The following SLC44A5 variants were observed in gnomAD, a reference collection of about 807,000 sequenced individuals.
The protein encoded by SLC44A5 is choline transporter-like protein 5.
A neutral mutation model predicts 101.8 loss-of-function variants in SLC44A5; 57 were observed. That is an observed-to-expected ratio of 0.56 (90% CI 0.45 to 0.70). SLC44A5 has a LOEUF of 0.70. SLC44A5 is among the 30% of genes least tolerant of loss of function. The pLI, the probability that SLC44A5 is intolerant of heterozygous loss-of-function variation, is 0.00. For missense variants in SLC44A5, 737 were observed against 853.1 expected (o/e 0.86, Z 1.70); for synonymous variants, 281 against 290.9 (o/e 0.97, Z 0.35).
chr1:75,324,715 A>G (rs1656439668), intron 4 of SLC44A5, among the ~76,000 whole-genome samples: 1 of 152,152 alleles, frequency 6.6e-6, no homozygotes, highest in Admixed American at 6.6e-5. Flanking sequence ...TAAAATGAAG[A>G]GGATCATCTA....
the SLC44A5 span, among the ~76,000 whole-genome samples, chr1:75,678,890 G>C: frequency 6.6e-6 from 1 of 152,128 alleles, no homozygotes; most frequent in Non-Finnish European, 1.5e-5. Context: ...TGTATAACTA[G>C]AATAATCAAT....
intron 2 of SLC44A5, among the ~76,000 whole-genome samples, chr1:75,464,978 T>A (rs1666735045): frequency 6.6e-6 from 1 of 152,168 alleles, no homozygotes; most frequent in South Asian, 2.1e-4. Context: ...TGGACAGATA[T>A]TCTAGACAGA....
chr1:75,427,550 A>G (rs976953925), intron 2 of SLC44A5, among the ~76,000 whole-genome samples: 10 of 152,226 alleles, frequency 6.6e-5, no homozygotes, highest in Admixed American at 5.2e-4. Flanking sequence ...GCCATTAATT[A>G]ATCATGTCTC....
chr1:75,445,640 A>G (rs557895879), intron 2 of SLC44A5, among the ~76,000 whole-genome samples: 48 of 126,320 alleles, frequency 3.8e-4, no homozygotes, highest in African/African-American at 1.1e-3. Context: ...GTCCTCAGAT[A>G]TCTTCTTTTC....
the SLC44A5 span, among the ~76,000 whole-genome samples, chr1:75,647,757 T>G: frequency 2.6e-5 from 4 of 152,320 alleles, no homozygotes; most frequent in South Asian, 8.3e-4. Context: ...ATAGCCCCTT[T>G]GCTTTGGCCA....
chr1:75,661,344 A>C, the SLC44A5 span, among the ~76,000 whole-genome samples: 1 of 148,586 alleles, frequency 6.7e-6, no homozygotes, highest in East Asian at 2.0e-4. Flanking sequence ...AAAATGGATT[A>C]AAGACTGAAA....
intron 1 of SLC44A5, among the ~76,000 whole-genome samples, chr1:75,544,197 C>T (rs893939894): frequency 3.3e-5 from 5 of 152,072 alleles, no homozygotes; most frequent in Admixed American, 6.6e-5. Flanking sequence ...ATGAGTTTGG[C>T]CCGATTTGTT....
At chr1:75,416,053 CA>C (rs1393736046) in intron 2 of SLC44A5, among the ~76,000 whole-genome samples, 13 of 152,290 alleles carry the variant, frequency 8.5e-5, no homozygotes, top group Admixed American at 5.2e-4. Context: ...CAGAAATTAG[CA>C]TAAGTAATGA....
chr1:75,556,686 T>C (rs1006881557), intron 1 of SLC44A5, among the ~76,000 whole-genome samples: 2 of 152,174 alleles, frequency 1.3e-5, no homozygotes, highest in African/African-American at 4.8e-5. Context: ...ATGGCTGTTA[T>C]TCTTCAAAAA....
At chr1:75,314,370 C>G (rs1655537085) in intron 4 of SLC44A5, among the ~76,000 whole-genome samples, 1 of 152,168 alleles carries the variant, frequency 6.6e-6, no homozygotes, top group African/African-American at 2.4e-5. Flanking sequence ...ACGCCAGCAT[C>G]ATCTTTCATA....
At chr1:75,512,678 A>G (rs901063261) in intron 2 of SLC44A5, among the ~76,000 whole-genome samples, 28 of 152,228 alleles carry the variant, frequency 1.8e-4, no homozygotes, top group Admixed American at 1.5e-3. Flanking sequence ...CGTAGTGATC[A>G]TAAGAGTATA....
chr1:75,635,087 T>A, the SLC44A5 span, among the ~76,000 whole-genome samples: 1 of 150,960 alleles, frequency 6.6e-6, no homozygotes, highest in Non-Finnish European at 1.5e-5. Flanking sequence ...ATCAGAGAAA[T>A]GCAAATCAAA....
rs952840753 is a variant in SLC44A5 at position 75,276,146 on chromosome 1, C to T, written c.176-1104G>A. On this transcript the variant is annotated intron_variant, in intron 5 of 23. Coordinates refer to ENST00000370859, the MANE Select transcript of SLC44A5 (RefSeq NM_001130058.2). ...TCACAAAAGTCCCCTTTGTCTAATT[C>T]TTTCTCCAATGTCATAGAGGCCAAA... 4.5e-4 allele frequency among the ~76,000 whole-genome samples: 69 copies of T among 152,270 alleles called. 1 individual carries two copies. Among genetic ancestry groups the T allele is most frequent in the African/African-American group, 1.6e-3 (67 of 41,562 alleles).
intron 2 of SLC44A5, among the ~76,000 whole-genome samples, chr1:75,523,215 G>T (rs1380354675): frequency 2.0e-5 from 3 of 152,158 alleles, no homozygotes; most frequent in African/African-American, 7.2e-5. Flanking sequence ...CATGAGAGTA[G>T]TACTTACCTG....
At chr1:75,677,715 G>A in the SLC44A5 span, 1 of 436,018 alleles carries the variant, frequency 2.3e-6, no homozygotes, top group Admixed American at 2.6e-5. Context: ...AAGACCCAGT[G>A]CAATCATCTG....
At chr1:75,400,221 C>A (rs1389945606) in intron 2 of SLC44A5, among the ~76,000 whole-genome samples, 1 of 152,126 alleles carries the variant, frequency 6.6e-6, no homozygotes, top group East Asian at 1.9e-4. Context: ...GGTTGACAAA[C>A]AACATATTAG....
At chr1:75,634,331 G>T in the SLC44A5 span, among the ~76,000 whole-genome samples, 1 of 152,082 alleles carries the variant, frequency 6.6e-6, no homozygotes, top group Non-Finnish European at 1.5e-5. Context: ...GTAGAATTCG[G>T]CTGTGAATCC....
intron 1 of SLC44A5, among the ~76,000 whole-genome samples, chr1:75,596,665 G>GCAC (rs1674653896): frequency 6.6e-6 from 1 of 151,840 alleles, no homozygotes; most frequent in African/African-American, 2.4e-5. Flanking sequence ...AATCAATAGT[G>GCAC]ATTCATCACA....
At chr1:75,661,163 G>GA in the SLC44A5 span, among the ~76,000 whole-genome samples, 2 of 151,950 alleles carry the variant, frequency 1.3e-5, no homozygotes, top group South Asian at 4.2e-4. Flanking sequence ...GAACAGAATT[G>GA]AAAACACAGA....
Sources: allele counts gnomAD v4.1 joint callset (sites outside exome capture counted in the v4.1 genomes callset), GRCh38; gene constraint gnomAD v4.1.1; transcripts MANE v1.5; gene names NCBI Gene and HGNC (gene_info 2026-07-23, HGNC 2026-07-21).